Variants in UGGT2 observed in about 807,000 individuals in gnomAD.
UGGT2 encodes UDP-glucose glycoprotein glucosyltransferase 2.
A neutral mutation model predicts 192.1 loss-of-function variants in UGGT2; 180 were observed. The ratio of observed to expected loss-of-function variants is 0.94; its 90% confidence interval spans 0.83 to 1.06. UGGT2 has a LOEUF of 1.06. UGGT2 is among the 50% of genes least tolerant of loss of function. The pLI is 0.00. For missense variants in UGGT2, 1,849 were observed against 1,795.7 expected (o/e 1.03, Z -0.54); for synonymous variants, 580 against 591.0 (o/e 0.98, Z 0.27).
At chr13:95,933,641 T>C (rs2049362435) in intron 17 of UGGT2, among the ~76,000 whole-genome samples, 1 of 152,016 alleles carries the variant, frequency 6.6e-6, no homozygotes, top group South Asian at 2.1e-4. Flanking sequence ...CCTCTTGGTG[T>C]GATGTTAAGT....
chr13:95,981,657 C>T (rs1228909073), intron 10 of UGGT2, among the ~76,000 whole-genome samples: 2 of 152,050 alleles, frequency 1.3e-5, no homozygotes, highest in African/African-American at 4.8e-5. Flanking sequence ...TTTCGGTGAA[C>T]ATTTTGTTTA....
At chr13:95,964,887 C>A (rs555328448) in intron 12 of UGGT2, among the ~76,000 whole-genome samples, 29 of 146,284 alleles carry the variant, frequency 2.0e-4, no homozygotes, top group African/African-American at 6.2e-4. Context: ...TGAACTCAAA[C>A]AAATTTACAA....
At chr13:95,898,834 A>G (rs1301125804) in intron 22 of UGGT2, among the ~76,000 whole-genome samples, 2 of 152,154 alleles carry the variant, frequency 1.3e-5, no homozygotes, top group African/African-American at 4.8e-5. Flanking sequence ...TTGATCTTGG[A>G]CTTCCCAGCC....
At chr13:95,932,599 T>A (rs1199731812) in intron 17 of UGGT2, among the ~76,000 whole-genome samples, 1 of 152,150 alleles carries the variant, frequency 6.6e-6, no homozygotes. Flanking sequence ...TGCTCTTGCC[T>A]GATTGCTCTA....
rs771817070 is a variant in UGGT2 at position 96,023,674 on chromosome 13, A to G, written c.327T>C (p.Ala109=). ...DNLHINLLKF[A]FSIRAYSPAI... The stretch of plus-strand genomic sequence containing the variant: ...CTGGGGAGTATGCCCTTATAGAGAA[A>G]GCAAACTTTAAAAGGTTGATGTGTA... Residue 109 remains alanine, a synonymous_variant, in exon 3 of 39, where the codon GCT becomes GCC. Transcript: ENST00000376747. The G allele has an allele frequency of 5.6e-6, 9 of 1,612,138 alleles. No homozygotes were observed. Among genetic ancestry groups the G allele is most frequent in the Non-Finnish European group, 6.8e-6 (8 of 1,178,748 alleles).
chr13:95,947,533 C>A (rs897290197), intron 14 of UGGT2, among the ~76,000 whole-genome samples: 5 of 150,940 alleles, frequency 3.3e-5, no homozygotes, highest in Non-Finnish European at 7.4e-5. Context: ...CTCACTGAAA[C>A]CTCCGCCTCC....
At chr13:95,885,111 T>G (rs2047609609) in intron 26 of UGGT2, among the ~76,000 whole-genome samples, 1 of 152,214 alleles carries the variant, frequency 6.6e-6, no homozygotes, top group South Asian at 2.1e-4. Context: ...AAGCTGAAAT[T>G]CTAGTACCAC....
rs549283090 is a variant in UGGT2, at chr13:95,862,399, A to G, written c.3644+1230T>C. Among the ~76,000 whole-genome samples the G allele has an allele frequency of 3.9e-5, 6 of 152,276 alleles. No homozygotes were observed. The East Asian group carries it at 1.2e-3, about 29-fold the overall frequency. ...GTTCAAATCTCTAAAATGGACATTC[A>G]AAGTTCTTTACAATGTGCATCTACA... is the stretch of plus-strand genomic sequence containing the variant. On this transcript the variant is annotated intron_variant, in intron 31 of 38. Coordinates refer to ENST00000376747, the MANE Select transcript of UGGT2 (RefSeq NM_020121.4).
chr13:95,875,748 G>T (rs1247806097), intron 29 of UGGT2, among the ~76,000 whole-genome samples: 1 of 152,022 alleles, frequency 6.6e-6, no homozygotes, highest in African/African-American at 2.4e-5. Flanking sequence ...AGCATCCCTG[G>T]CTCTGTGTGC....
At chr13:95,835,284 T>C (rs1887163527) in intron 37 of UGGT2, among the ~76,000 whole-genome samples, 1 of 152,094 alleles carries the variant, frequency 6.6e-6, no homozygotes, top group African/African-American at 2.4e-5. Context: ...GACGGAGATA[T>C]CCACTTAGGT....
At position 95,933,397 on chromosome 13, in the gene UGGT2, C is replaced by G. The variant is rs1040669482; in HGVS notation, c.1977+3527G>C. The stretch of plus-strand genomic sequence containing the variant: ...AGGATCTTCTGTATTTCTATGGGAT[C>G]AGTTGTAATGTCACCTTTGTTGCTT... On this transcript the variant is annotated intron_variant, in intron 17 of 38. Coordinates refer to ENST00000376747, the MANE Select transcript of UGGT2 (RefSeq NM_020121.4). Among the ~76,000 whole-genome samples the G allele has an allele frequency of 3.3e-5, 5 of 152,268 alleles. No homozygotes were observed. In the East Asian group the frequency reaches 5.8e-4, roughly 18 times the overall value.
chr13:95,892,562 T>C (rs969757615), intron 24 of UGGT2, among the ~76,000 whole-genome samples: 1 of 152,154 alleles, frequency 6.6e-6, no homozygotes, highest in African/African-American at 2.4e-5. Context: ...CTCTTACAGA[T>C]ATATTGAACA....
At chr13:95,937,372 T>C (rs1489162350) in intron 16 of UGGT2, among the ~76,000 whole-genome samples, 2 of 152,194 alleles carry the variant, frequency 1.3e-5, no homozygotes, top group Non-Finnish European at 2.9e-5. Flanking sequence ...AAAGCAGTCA[T>C]AGACGACATA....
chr13:95,863,549 T>A (rs1890357489), intron 31 of UGGT2, 80 bp downstream of exon 31: 2 of 1,172,470 alleles, frequency 1.7e-6, no homozygotes, highest in Non-Finnish European at 2.5e-6. Flanking sequence ...CTTACTTAAA[T>A]TTTCACTACC....
At chr13:95,911,779 C>CA (rs906003013) in intron 20 of UGGT2, among the ~76,000 whole-genome samples, 12 of 151,568 alleles carry the variant, frequency 7.9e-5, no homozygotes, top group South Asian at 2.1e-4. Flanking sequence ...AGAAACACAA[C>CA]AAAAAAAAGA....
chr13:95,899,311 C>T (rs2048036151), intron 22 of UGGT2, among the ~76,000 whole-genome samples: 1 of 152,120 alleles, frequency 6.6e-6, no homozygotes, highest in Non-Finnish European at 1.5e-5. Flanking sequence ...AAGATAGATG[C>T]CTTATCAGTA....
intron 36 of UGGT2, among the ~76,000 whole-genome samples, chr13:95,852,581 A>G (rs1391481501): frequency 5.3e-5 from 8 of 152,202 alleles, no homozygotes; most frequent in Admixed American, 4.6e-4. Flanking sequence ...TGATGTCTGA[A>G]GTCTTAGGAG....
intron 12 of UGGT2, among the ~76,000 whole-genome samples, chr13:95,964,394 C>T (rs1422692607): frequency 6.6e-6 from 1 of 151,922 alleles, no homozygotes; most frequent in African/African-American, 2.4e-5. Flanking sequence ...CACTTTTGGA[C>T]ATTGGTCTAA....
At chr13:95,989,873 T>C in intron 8 of UGGT2, 100 bp downstream of exon 8, 4 of 713,344 alleles carry the variant, frequency 5.6e-6, no homozygotes, top group Non-Finnish European at 8.8e-6. Flanking sequence ...TCATTAATAC[T>C]GTCCATAAAA....
Sources: allele counts gnomAD v4.1 joint callset (sites outside exome capture counted in the v4.1 genomes callset), GRCh38; gene constraint gnomAD v4.1.1; transcripts MANE v1.5; gene names NCBI Gene and HGNC (gene_info 2026-07-23, HGNC 2026-07-21).